RAB21: variants seen among roughly 807,000 people sequenced by gnomAD.
RAB21 encodes RAB21, member RAS oncogene family.
Under a neutral mutation model 33.1 loss-of-function variants are expected in RAB21, and 13 were observed. The ratio of observed to expected loss-of-function variants is 0.39; its 90% CI spans 0.26 to 0.62. The LOEUF is 0.62. RAB21 is among the 20% of genes least tolerant of loss of function. The probability of loss-of-function intolerance (pLI) is 0.48; values close to 1 mark genes in which losing one functional copy is unlikely to be tolerated. For synonymous variants in RAB21, 91 were observed against 103.7 expected (o/e 0.88, Z 0.74); for missense variants, 234 against 279.1 (o/e 0.84, Z 1.15).
chr12:71,759,029 T>A (rs1182471631), intron 1 of RAB21, among the ~76,000 whole-genome samples: 1 of 152,238 alleles, frequency 6.6e-6, no homozygotes. Flanking sequence ...AACATCTTAG[T>A]CTTAATTGCT....
chr12:71,764,277 A>G (rs1882925864), intron 1 of RAB21, among the ~76,000 whole-genome samples: 1 of 152,122 alleles, frequency 6.6e-6, no homozygotes, highest in African/African-American at 2.4e-5. Flanking sequence ...TTCTTAAAGA[A>G]GTTTATAATT....
chr12:71,776,302 GT>G (rs971302676), intron 4 of RAB21, among the ~76,000 whole-genome samples: 5 of 150,616 alleles, frequency 3.3e-5, no homozygotes, highest in African/African-American at 9.7e-5. Context: ...AAGTGTGTTT[GT>G]TTTTTTTTAA....
rs927739979 is a variant in RAB21 at position 71,798,118 on chromosome 12, C to T, written c.*12445C>T. 2.0e-5 allele frequency: 3 copies of T among 152,100 alleles called. No homozygotes were observed. The highest frequency in any genetic ancestry group is 7.2e-5 in the African/African-American group (3 of 41,400). 9.4% of individuals were successfully genotyped at this position (152,100 alleles called of 1,614,324 possible). A position where few individuals can be genotyped will look rare whatever the true frequency, so the allele number is the denominator to read the frequency against. ...ATTATTTTTGAGATGGAGTCTCACTCTATTGCCCAGGCTAGAGGGCAGCGG... is the reference window on the plus strand; with the variant it reads ...ATTATTTTTGAGATGGAGTCTCACTTTATTGCCCAGGCTAGAGGGCAGCGG... On this transcript the variant is annotated 3_prime_UTR_variant, in exon 7 of 7. Transcript: ENST00000261263.
intron 1 of RAB21, 142 bp downstream of exon 1, chr12:71,755,430 T>A: frequency 1.9e-6 from 2 of 1,073,406 alleles, no homozygotes; most frequent in South Asian, 3.9e-5. Context: ...CCTTTCCGAA[T>A]TCGCCCTGGG....
rs1392866685 is a variant in RAB21 at position 71,788,730 on chromosome 12, G to A, written c.*3057G>A. ...CTTATATAATTAAAAATTGGTTTAAGATAGTGATTAAAAATACCTGAATAT... is the reference window on the plus strand; with the variant it reads ...CTTATATAATTAAAAATTGGTTTAAAATAGTGATTAAAAATACCTGAATAT... On this transcript the variant is annotated 3_prime_UTR_variant, in exon 7 of 7. Transcript: ENST00000261263. 6.6e-6 allele frequency: 1 copy of A among 152,110 alleles called. No individual in the cohort carries two copies. The highest frequency in any genetic ancestry group is 2.4e-5 in the African/African-American group (1 of 41,426). The allele number at this position is 152,110 out of a possible 1,614,324, so 9.4% of individuals were successfully genotyped here.
intron 3 of RAB21, among the ~76,000 whole-genome samples, chr12:71,772,616 A>G (rs759180400): frequency 3.3e-5 from 5 of 152,192 alleles, no homozygotes; most frequent in Admixed American, 6.5e-5. Flanking sequence ...GTGATACTAT[A>G]TGCACATGGA....
intron 1 of RAB21, among the ~76,000 whole-genome samples, chr12:71,765,029 T>G (rs1386411795): frequency 6.6e-6 from 1 of 152,224 alleles, no homozygotes; most frequent in Non-Finnish European, 1.5e-5. Context: ...CTGTAAGTAA[T>G]CTCCATACTG....
Position 71,790,333 on chromosome 12 carries a change from A to C in RAB21, c.*4660A>C, listed in dbSNP as rs768454128. 4 of 152,128 alleles carry C rather than the reference A, an allele frequency of 2.6e-5. No individual in the cohort carries two copies. Among genetic ancestry groups the C allele is most frequent in the African/African-American group, 4.8e-5 (2 of 41,434 alleles). 9.4% of individuals were successfully genotyped at this position (152,128 alleles called of 1,614,324 possible). A position where few individuals can be genotyped will look rare whatever the true frequency, so the allele number is the denominator to read the frequency against. Reference sequence around the variant, plus strand: ...TTTCTGGCAACTGTATCATCTCTTCACTATCACGTATTTTAAGAAAAAGCT... The same window carrying C: ...TTTCTGGCAACTGTATCATCTCTTCCCTATCACGTATTTTAAGAAAAAGCT... On this transcript the variant is annotated 3_prime_UTR_variant, in exon 7 of 7. Coordinates refer to ENST00000261263, the MANE Select transcript of RAB21 (RefSeq NM_014999.4).
chr12:71,758,707 G>A (rs1565883175), intron 1 of RAB21, among the ~76,000 whole-genome samples: 1 of 151,642 alleles, frequency 6.6e-6, no homozygotes, highest in Non-Finnish European at 1.5e-5. Flanking sequence ...GTAGAACTCT[G>A]AGCTCAAGCA....
chr12:71,768,315 C>A (rs1367748711), intron 1 of RAB21, among the ~76,000 whole-genome samples: 1 of 152,084 alleles, frequency 6.6e-6, no homozygotes. Context: ...TAAAAGAAAT[C>A]TCAATTGTTT....
In RAB21 at chr12:71,793,073, A is replaced by G. The variant is rs1883410677; in HGVS notation, c.*7400A>G. On this transcript the variant is annotated 3_prime_UTR_variant, in exon 7 of 7. Coordinates refer to ENST00000261263, the MANE Select transcript of RAB21 (RefSeq NM_014999.4). ...GGTAATTAAGTGATCCTCTAACCCA[A>G]ATTGCTTTTCCAAATTTTGTGGTAG... 6.6e-6 allele frequency: 1 copy of G among 152,202 alleles called. No individual in the cohort carries two copies. Among genetic ancestry groups the G allele is most frequent in the African/African-American group, 2.4e-5 (1 of 41,448 alleles). The allele number at this position is 152,202 out of a possible 1,614,324, so 9.4% of individuals were successfully genotyped here.
intron 4 of RAB21, among the ~76,000 whole-genome samples, chr12:71,778,760 T>TG (rs1425053955): frequency 6.6e-6 from 1 of 152,126 alleles, no homozygotes; most frequent in Non-Finnish European, 1.5e-5. Flanking sequence ...AAACTAGATT[T>TG]GGGGTGCAAG....
At chr12:71,784,546 T>TA in intron 6 of RAB21, among the ~76,000 whole-genome samples, 1 of 152,130 alleles carries the variant, frequency 6.6e-6, no homozygotes, top group Non-Finnish European at 1.5e-5. Context: ...TGTCCAGTTC[T>TA]ATTAATACTA....
rs1214239800 is a variant in RAB21 at position 71,785,880 on chromosome 12, TTTTTTTTTGTTTTTTTTTTG to T, written c.*216_*235del. On this transcript the variant is annotated 3_prime_UTR_variant, in exon 7 of 7. Coordinates refer to ENST00000261263, the MANE Select transcript of RAB21 (RefSeq NM_014999.4). ...AGAGAATTGGCATTTTCTACAAATG[TTTTTTTTTGTTTTTTTTTTG>T]TTTTTTTTTGTTTTTTTTTGAGACG... 4.0e-6 allele frequency: 2 copies of T among 496,952 alleles called. No homozygotes were observed. The highest frequency in any genetic ancestry group is 8.2e-5 in the East Asian group (2 of 24,422). 30.8% of individuals were successfully genotyped at this position (496,952 alleles called of 1,614,324 possible). A position where few individuals can be genotyped will look rare whatever the true frequency, so the allele number is the denominator to read the frequency against.
At chr12:71,760,160 A>C (rs1882849617) in intron 1 of RAB21, among the ~76,000 whole-genome samples, 1 of 152,244 alleles carries the variant, frequency 6.6e-6, no homozygotes, top group Non-Finnish European at 1.5e-5. Context: ...ATTATATTTA[A>C]AATTGCTTAT....
intron 1 of RAB21, among the ~76,000 whole-genome samples, chr12:71,764,213 A>G (rs1882924910): frequency 6.6e-6 from 1 of 152,138 alleles, no homozygotes; most frequent in Non-Finnish European, 1.5e-5. Flanking sequence ...TGTTTTTAGT[A>G]TGTGCGTATG....
At chr12:71,758,249 T>A (rs1257414525) in intron 1 of RAB21, among the ~76,000 whole-genome samples, 2 of 151,982 alleles carry the variant, frequency 1.3e-5, no homozygotes, top group African/African-American at 4.8e-5. Flanking sequence ...GCCAGGCTGG[T>A]CTCGAACTCC....
At chr12:71,758,747 G>A (rs980520833) in intron 1 of RAB21, among the ~76,000 whole-genome samples, 2 of 151,966 alleles carry the variant, frequency 1.3e-5, no homozygotes, top group Non-Finnish European at 2.9e-5. Flanking sequence ...TTGAAATGCT[G>A]AAATTACAGG....
rs1883029679 is a variant in RAB21, at chr12:71,770,675, A to G, written c.303A>G (p.Ile101Met). The stretch of plus-strand genomic sequence containing the variant: ...ATGGAGCGATTTTAGTTTATGACAT[A>G]ACAGATGAAGATTCTTTTCAGAAGG... ...DSNGAILVYD[I>M]TDEDSFQKVK... Residue 101 changes from isoleucine (I) to methionine (M), a missense_variant, in exon 3 of 7, where the codon ATA becomes ATG. Ile to Met is a conservative substitution (Grantham distance 10). Transcript: ENST00000261263. The G allele has an allele frequency of 6.3e-7, 1 of 1,594,278 alleles. No individual in the cohort carries two copies. Among genetic ancestry groups the G allele is most frequent in the Non-Finnish European group, 8.6e-7 (1 of 1,163,748 alleles).
Sources: gnomAD v4.1 joint callset for allele counts (sites outside exome capture counted in the v4.1 genomes callset) on GRCh38, gnomAD v4.1.1 for gene constraint, MANE v1.5 for transcripts, NCBI Gene and HGNC (gene_info 2026-07-23, HGNC 2026-07-21) for gene names.